Variants in HDAC4 observed in about 807,000 individuals in gnomAD.
HDAC4 encodes the protein histone deacetylase 4.
A neutral mutation model predicts 135.1 loss-of-function variants in HDAC4; 16 were observed. The observed-to-expected ratio is 0.12, with a 90% CI of 0.08 to 0.18. HDAC4 has a LOEUF of 0.18. Ranked by LOEUF, HDAC4 falls within the 10% of genes least tolerant of loss-of-function variation. The pLI is 1.00. For missense variants in HDAC4, 1,143 were observed against 1,511.8 expected, an observed-to-expected ratio of 0.76 and a Z score of 4.05; for synonymous variants, 685 against 653.4, an observed-to-expected ratio of 1.05 and a Z score of -0.74.
At chr2:239,126,380 A>G (rs2152850746) in intron 12 of HDAC4, 76 bp downstream of exon 12, 1 of 1,608,418 alleles carries the variant, frequency 6.2e-7, no homozygotes, top group Non-Finnish European at 8.5e-7. Context: ...GAAAGGGGCC[A>G]GTGCTGAAGC....
At chr2:239,080,593 GGC>G (rs67846486) in intron 22 of HDAC4, among the ~76,000 whole-genome samples, 152,371 of 152,380 alleles carry the variant, frequency 1, 76,181 homozygotes, top group Middle Eastern at 1. Context: ...GTCTTTAAAC[GGC>G]GCGCCCTGCG....
chr2:239,120,618 G>A (rs1486731221), intron 12 of HDAC4, among the ~76,000 whole-genome samples: 1 of 110,844 alleles, frequency 9.0e-6, no homozygotes, highest in Non-Finnish European at 1.8e-5. Flanking sequence ...GGGGGGCGGG[G>A]AAGGGAAATA....
intron 17 of HDAC4, among the ~76,000 whole-genome samples, chr2:239,093,062 C>T (rs952825151): frequency 3.3e-5 from 5 of 152,124 alleles, no homozygotes; most frequent in South Asian, 2.1e-4. Flanking sequence ...GGGAGCCGGG[C>T]GTACGAGAGC....
chr2:239,345,113 G>C (rs1692527411), intron 2 of HDAC4, among the ~76,000 whole-genome samples: 2 of 152,108 alleles, frequency 1.3e-5, no homozygotes, highest in Non-Finnish European at 2.9e-5. Flanking sequence ...TCAGCTCCCA[G>C]GCTTTCTCAT....
chr2:239,145,773 C>T (rs6717001), intron 7 of HDAC4, among the ~76,000 whole-genome samples: 16,578 of 151,928 alleles, frequency 0.11, 3,057 homozygotes, highest in African/African-American at 0.38. Flanking sequence ...GGCAGTGCAC[C>T]GCCTCCAGAG....
intron 26 of HDAC4, 139 bp downstream of exon 26, chr2:239,053,321 G>A: frequency 1.6e-5 from 22 of 1,336,838 alleles, no homozygotes; most frequent in Non-Finnish European, 2.2e-5. Context: ...CTTTGGCACT[G>A]GAAGGAGGGG....
rs3828211 is a variant in HDAC4 at position 239,144,337 on chromosome 2, C to G, written c.865+246G>C. On this transcript the variant is annotated intron_variant, in intron 8 of 26. Transcript: ENST00000543185. ...CAAGCTGGGGCACCCTTGTGCACCT[C>G]AGCCCACCTAGAACCAGCTCTGAGT... 0.7 allele frequency among the ~76,000 whole-genome samples: 105,822 copies of G among 151,988 alleles called. 37,672 individuals are homozygous for G. The highest frequency in any genetic ancestry group is 0.91 in the South Asian group (4,379 of 4,822).
At chr2:239,397,089 T>G (rs1696611412) in intron 1 of HDAC4, among the ~76,000 whole-genome samples, 1 of 152,188 alleles carries the variant, frequency 6.6e-6, no homozygotes, top group Non-Finnish European at 1.5e-5. Context: ...CACTAGAAAG[T>G]CTAACGACAC....
At chr2:239,395,583 T>C (rs1696504216) in intron 1 of HDAC4, among the ~76,000 whole-genome samples, 1 of 152,220 alleles carries the variant, frequency 6.6e-6, no homozygotes, top group African/African-American at 2.4e-5. Context: ...AAAGAATCTC[T>C]ACAATACCAC....
At chr2:239,326,319 C>T (rs1411710812) in intron 2 of HDAC4, among the ~76,000 whole-genome samples, 3 of 152,112 alleles carry the variant, frequency 2.0e-5, no homozygotes, top group Admixed American at 6.5e-5. Flanking sequence ...GAGTCAGATT[C>T]GCTGAGAAAG....
intron 12 of HDAC4, among the ~76,000 whole-genome samples, chr2:239,117,723 G>A (rs1008375839): frequency 1.3e-5 from 2 of 152,256 alleles, no homozygotes; most frequent in East Asian, 1.9e-4. Flanking sequence ...GTCCCAGATC[G>A]AGGGGTCTCT....
chr2:239,371,761 C>CG, intron 1 of HDAC4, among the ~76,000 whole-genome samples: 1 of 152,336 alleles, frequency 6.6e-6, no homozygotes, highest in East Asian at 1.9e-4. Context: ...CGGCGTGGCC[C>CG]GGGCCTTTAC....
chr2:239,347,942 A>G (rs1446682600), intron 2 of HDAC4, among the ~76,000 whole-genome samples: 3 of 151,532 alleles, frequency 2.0e-5, no homozygotes, highest in Non-Finnish European at 4.4e-5. Flanking sequence ...CCCGGTGACC[A>G]TAGACACGTC....
At chr2:239,228,172 G>A (rs552183387) in intron 3 of HDAC4, among the ~76,000 whole-genome samples, 24 of 152,318 alleles carry the variant, frequency 1.6e-4, no homozygotes, top group African/African-American at 4.3e-4. Context: ...CAGACGCTAC[G>A]CCAGACACTT....
rs1439770597 is a variant in HDAC4, at chr2:239,134,646, G to A, written c.979-3C>T. ...ACAAGTCTGTGCGCCAAACTCGTCT[G>A]GGGACAGAACACACGATGACCATCA... On this transcript the variant is annotated splice_polypyrimidine_tract_variant and splice_region_variant and intron_variant, in intron 9 of 26. Coordinates refer to ENST00000543185, the MANE Select transcript of HDAC4 (RefSeq NM_001378414.1). The A allele has an allele frequency of 2.5e-6, 4 of 1,610,312 alleles. No homozygotes were observed. The highest frequency in any genetic ancestry group is 3.4e-6 in the Non-Finnish European group (4 of 1,176,634).
In HDAC4 at chr2:239,364,085, T is replaced by C. The variant is rs116186820; in HGVS notation, c.-219-11167A>G. ...ATACCATGTGTTGGTAAGGATGTGGTTGGCCGGCACTCACACACGAGGTTA... is the reference window on the plus strand; with the variant it reads ...ATACCATGTGTTGGTAAGGATGTGGCTGGCCGGCACTCACACACGAGGTTA... On this transcript the variant is annotated intron_variant, in intron 1 of 26. Coordinates refer to ENST00000543185, the MANE Select transcript of HDAC4 (RefSeq NM_001378414.1). 1.8e-3 allele frequency among the ~76,000 whole-genome samples: 279 copies of C among 152,310 alleles called. 1 individual carries two copies. The highest frequency in any genetic ancestry group is 6.3e-3 in the African/African-American group (261 of 41,566).
chr2:239,331,391 T>C lies in HDAC4; in HGVS notation c.22+21287A>G, dbSNP rs1474040597. Among the ~76,000 whole-genome samples the C allele has an allele frequency of 6.6e-6, 1 of 152,112 alleles. No homozygotes were observed. Among genetic ancestry groups the C allele is most frequent in the Admixed American group, 6.5e-5 (1 of 15,270 alleles). On this transcript the variant is annotated intron_variant, in intron 2 of 26. Coordinates refer to ENST00000543185, the MANE Select transcript of HDAC4 (RefSeq NM_001378414.1). This position sits in a 1 kb window ranked among gnomAD's most constrained non-coding sequence, Gnocchi z 4.5. The stretch of plus-strand genomic sequence containing the variant: ...TTTAGAGCATTTATAAGGTGCGACA[T>C]AAATCACCTCATAAAATATCTGAAT...
intron 2 of HDAC4, among the ~76,000 whole-genome samples, chr2:239,279,195 T>G (rs1230788663): frequency 6.6e-6 from 1 of 152,172 alleles, no homozygotes; most frequent in African/African-American, 2.4e-5. Context: ...AGTGCCTGAT[T>G]TGCTGTTTCT....
chr2:239,324,897 GAAC>G lies in HDAC4; in HGVS notation c.22+27778_22+27780del, dbSNP rs1467315497. On this transcript the variant is annotated intron_variant, in intron 2 of 26. Coordinates refer to ENST00000543185, the MANE Select transcript of HDAC4 (RefSeq NM_001378414.1). ...GAGTCTACACCGACCTGGGAAGGAA[GAAC>G]AACTGCAGCTCAGACACTTCCAAAG... 6.6e-5 allele frequency among the ~76,000 whole-genome samples: 10 copies of G among 152,332 alleles called. No homozygotes were observed. The East Asian group carries it at 1.7e-3, about 26-fold the overall frequency.
Sources: gnomAD v4.1 joint callset for allele counts (sites outside exome capture counted in the v4.1 genomes callset) on GRCh38, gnomAD v4.1.1 for gene constraint, Gnocchi (gnomAD v3.1) non-coding constraint, MANE v1.5 for transcripts, NCBI Gene and HGNC (gene_info 2026-07-23, HGNC 2026-07-21) for gene names.